YIPF6: variants seen among roughly 807,000 people sequenced by gnomAD.
The protein encoded by YIPF6 is Yip1 domain family member 6.
In YIPF6, 3 loss-of-function variants were observed where a neutral mutation model predicts 16.8. The ratio of observed to expected loss-of-function variants is 0.18; its 90% CI spans 0.08 to 0.46. YIPF6 has a LOEUF of 0.46. YIPF6 is among the 20% of genes least tolerant of loss of function. YIPF6 has a pLI of 0.98. For synonymous variants in YIPF6, 67 were observed against 61.9 expected (o/e 1.08, Z -0.38); for missense variants, 145 against 184.9 (o/e 0.78, Z 1.25).
At chrX:68,510,240 G>A (rs1216044142) in intron 1 of YIPF6, among the ~76,000 whole-genome samples, 2 of 111,566 alleles carry the variant, frequency 1.8e-5, no homozygotes, top group South Asian at 3.7e-4. Context: ...GTGTTATATA[G>A]TCACTTGAAA....
At chrX:68,501,223 T>C (rs963985551) in intron 1 of YIPF6, among the ~76,000 whole-genome samples, 5 of 112,283 alleles carry the variant, frequency 4.5e-5, no homozygotes, top group African/African-American at 1.3e-4. Flanking sequence ...TAAGGCAGTA[T>C]GTAAGAGAAA....
At chrX:68,508,291 A>G (rs1328843403) in intron 1 of YIPF6, among the ~76,000 whole-genome samples, 1 of 108,784 alleles carries the variant, frequency 9.2e-6, no homozygotes, top group Non-Finnish European at 1.9e-5. Flanking sequence ...TTTTGTAGAG[A>G]TGGGGTTTCG....
At chrX:68,507,403 AGCTTTT>A (rs1250171179) in intron 1 of YIPF6, among the ~76,000 whole-genome samples, 1 of 111,508 alleles carries the variant, frequency 9.0e-6, no homozygotes, top group Non-Finnish European at 1.9e-5. Flanking sequence ...AATATATTTT[AGCTTTT>A]GCTTGTCTGA....
intron 6 of YIPF6, among the ~76,000 whole-genome samples, chrX:68,531,084 G>C (rs898137329): frequency 9.1e-6 from 1 of 109,502 alleles, no homozygotes; most frequent in African/African-American, 3.4e-5. Flanking sequence ...GGCATAAGCT[G>C]TAGCACCCAG....
intron 6 of YIPF6, among the ~76,000 whole-genome samples, chrX:68,530,054 G>A (rs1378321103): frequency 8.9e-6 from 1 of 112,163 alleles, no homozygotes; most frequent in Non-Finnish European, 1.9e-5. Flanking sequence ...AGTTGCTGAA[G>A]CTGTGCTTAC....
At chrX:68,512,377 G>A (rs532944295) in intron 2 of YIPF6, among the ~76,000 whole-genome samples, 364 of 109,688 alleles carry the variant, frequency 3.3e-3, no homozygotes, top group African/African-American at 0.012. Flanking sequence ...GCTTGTCTCC[G>A]GGAGGCTGAG....
chrX:68,522,218 C>T (rs2079129101), intron 5 of YIPF6, among the ~76,000 whole-genome samples: 1 of 110,902 alleles, frequency 9.0e-6, no homozygotes, highest in African/African-American at 3.3e-5. Flanking sequence ...TAGAGCAGAT[C>T]ATCTGGTGTT....
chrX:68,530,639 A>G (rs2079167226), intron 6 of YIPF6, among the ~76,000 whole-genome samples: 1 of 110,893 alleles, frequency 9.0e-6, no homozygotes, highest in Admixed American at 9.6e-5. Flanking sequence ...TGTGAAGACC[A>G]TGGGGAAAGT....
At chrX:68,515,198 C>T (rs1267161375) in intron 3 of YIPF6, 13 of 107,293 alleles carry the variant, frequency 1.2e-4, no homozygotes, top group Non-Finnish European at 1.4e-4. Flanking sequence ...TGGTGGTGGG[C>T]GCCTGTAATC....
At chrX:68,529,080 T>C (rs1368612368) in intron 6 of YIPF6, among the ~76,000 whole-genome samples, 1 of 111,325 alleles carries the variant, frequency 9.0e-6, no homozygotes, top group Non-Finnish European at 1.9e-5. Context: ...GTTTTCCAAC[T>C]TGGTTCCATT....
intron 6 of YIPF6, among the ~76,000 whole-genome samples, chrX:68,528,989 T>C (rs1281033109): frequency 5.4e-5 from 6 of 111,273 alleles, no homozygotes; most frequent in Non-Finnish European, 1.1e-4. Flanking sequence ...ATCTTTGTGG[T>C]GTTCTCTGTA....
At chrX:68,512,426 T>G (rs2079084845) in intron 2 of YIPF6, among the ~76,000 whole-genome samples, 1 of 110,149 alleles carries the variant, frequency 9.1e-6, no homozygotes, top group Non-Finnish European at 1.9e-5. Context: ...CACTCTGGCC[T>G]GGGCGACAGA....
intron 6 of YIPF6, among the ~76,000 whole-genome samples, chrX:68,524,713 C>A (rs1466571638): frequency 9.2e-6 from 1 of 108,854 alleles, no homozygotes. Context: ...TGATGTACCC[C>A]TCCCTGTGTC....
chrX:68,518,893 G>T, intron 4 of YIPF6, 81 bp downstream of exon 4: 1 of 953,904 alleles, frequency 1.0e-6, no homozygotes. Context: ...GGGGGATTTT[G>T]ATTGAATATT....
intron 1 of YIPF6, among the ~76,000 whole-genome samples, chrX:68,501,909 A>AT (rs2079042444): frequency 1.8e-5 from 2 of 111,618 alleles, no homozygotes; most frequent in South Asian, 7.4e-4. Flanking sequence ...TATTGGGGAA[A>AT]TTACCAAACC....
At chrX:68,515,260 A>C (rs1381708221) in intron 3 of YIPF6, 2 of 106,237 alleles carry the variant, frequency 1.9e-5, no homozygotes, top group African/African-American at 6.9e-5. Flanking sequence ...CAAGAGGCGG[A>C]GCTTGCAGTG....
chrX:68,512,257 C>A (rs1469332480), intron 2 of YIPF6, among the ~76,000 whole-genome samples: 1 of 110,501 alleles, frequency 9.0e-6, no homozygotes, highest in Admixed American at 9.7e-5. Context: ...CTCAGGAGTT[C>A]GAGACCAACC....
At chrX:68,505,302 AG>A in intron 1 of YIPF6, among the ~76,000 whole-genome samples, 1 of 111,014 alleles carries the variant, frequency 9.0e-6, no homozygotes, top group South Asian at 3.9e-4. Flanking sequence ...CCCAACTACT[AG>A]GGGGGCTGAG....
chrX:68,534,507 CAGTT>C lies in YIPF6; in HGVS notation c.*2511_*2514del, dbSNP rs1410616682. Reference sequence around the variant, plus strand: ...TTTTATCTTTTTTCACATTGAAAATCAGTTAGATTTGCTTAAGCCTCAAAGAGAA... The same window carrying C: ...TTTTATCTTTTTTCACATTGAAAATCAGATTTGCTTAAGCCTCAAAGAGAA... On this transcript the variant is annotated 3_prime_UTR_variant, in exon 7 of 7. Coordinates refer to ENST00000462683, the MANE Select transcript of YIPF6 (RefSeq NM_173834.4). 6 of 110,796 alleles carry C rather than the reference CAGTT, an allele frequency of 5.4e-5. No homozygotes were observed. Among genetic ancestry groups the C allele is most frequent in the Non-Finnish European group, 7.5e-5 (4 of 53,018 alleles). The allele number at this position is 110,796 out of a possible 1,213,427, so 9.1% of individuals were successfully genotyped here.
Sources: gnomAD v4.1 joint callset for allele counts (sites outside exome capture counted in the v4.1 genomes callset) on GRCh38, gnomAD v4.1.1 for gene constraint, MANE v1.5 for transcripts, NCBI Gene and HGNC (gene_info 2026-07-23, HGNC 2026-07-21) for gene names.